Variants in TP63 observed in about 807,000 individuals in gnomAD.
The protein encoded by TP63 is tumor protein 63.
In TP63, 17 loss-of-function variants were observed where a neutral mutation model predicts 82.8. The observed-to-expected ratio is 0.21, with a 90% CI of 0.14 to 0.31. TP63 has a LOEUF of 0.31. TP63 is among the 10% of genes least tolerant of loss of function. The pLI is 1.00. For missense variants in TP63, 648 were observed against 895.3 expected (o/e 0.72, Z 3.52); for synonymous variants, 330 against 321.7 (o/e 1.03, Z -0.28).
rs1721443689 is a variant in TP63, at chr3:189,896,058, A to G, written c.*1556A>G. ...CCTTGAAACTTTGGGAAAACATGTT[A>G]ATGACAATATTCCAGATCTTTCAGA... is the stretch of plus-strand genomic sequence containing the variant. On this transcript the variant is annotated 3_prime_UTR_variant, in exon 14 of 14. Transcript: ENST00000264731. The G allele has an allele frequency of 4.4e-6, 1 of 227,148 alleles. No individual in the cohort carries two copies. Among genetic ancestry groups the G allele is most frequent in the African/African-American group, 2.2e-5 (1 of 45,014 alleles). 14.1% of individuals were successfully genotyped at this position (227,148 alleles called of 1,614,324 possible).
At chr3:189,676,677 G>A (rs1028429020) in intron 1 of TP63, among the ~76,000 whole-genome samples, 3 of 151,960 alleles carry the variant, frequency 2.0e-5, no homozygotes, top group Middle Eastern at 3.2e-3. Context: ...TGGGCTTTTA[G>A]TCTAGCCATC....
chr3:189,869,475 T>C (rs1271886726), intron 9 of TP63, 69 bp downstream of exon 9: 2 of 1,367,240 alleles, frequency 1.5e-6, no homozygotes, highest in Non-Finnish European at 2.1e-6. Context: ...TACAGTATGA[T>C]CATCATCTCA....
chr3:189,868,562 C>T lies in TP63; in HGVS notation c.993-18C>T, dbSNP rs376061503. 1.2e-6 allele frequency: 2 copies of T among 1,613,598 alleles called. No individual in the cohort carries two copies. Among genetic ancestry groups the T allele is most frequent in the South Asian group, 2.2e-5 (2 of 91,012 alleles). ...GCTTTGAATTTAACTCTTTCTTCCC[C>T]TTTATTCTAATTCCTAGTGGGCAAG... is the stretch of plus-strand genomic sequence containing the variant. On this transcript the variant is annotated intron_variant, in intron 7 of 13. Transcript: ENST00000264731.
intron 4 of TP63, among the ~76,000 whole-genome samples, chr3:189,812,264 T>G (rs1335951723): frequency 1.3e-5 from 2 of 152,240 alleles, no homozygotes; most frequent in Non-Finnish European, 2.9e-5. Context: ...ATAACAAATG[T>G]GATTATGTTT....
intron 4 of TP63, among the ~76,000 whole-genome samples, chr3:189,808,935 A>G (rs1304249968): frequency 6.6e-6 from 1 of 152,234 alleles, no homozygotes; most frequent in Admixed American, 6.5e-5. Context: ...TTGTGATTTT[A>G]AAAACTGAGT....
intron 4 of TP63, among the ~76,000 whole-genome samples, chr3:189,837,094 A>C (rs960349275): frequency 1.2e-4 from 19 of 152,232 alleles, no homozygotes; most frequent in Admixed American, 1.2e-3. Context: ...GATGCTTCCA[A>C]ATATATACTC....
At chr3:189,880,993 A>G (rs565745982) in intron 10 of TP63, 218 of 985,332 alleles carry the variant, frequency 2.2e-4, no homozygotes, top group Non-Finnish European at 2.6e-4. Context: ...TAATAGAAAG[A>G]CAAATCCACC....
chr3:189,719,336 G>T (rs1351125902), intron 1 of TP63, among the ~76,000 whole-genome samples: 1 of 152,050 alleles, frequency 6.6e-6, no homozygotes, highest in Non-Finnish European at 1.5e-5. Flanking sequence ...CCTAATCTGC[G>T]CTTGCAGAGT....
At chr3:189,869,195 G>A (rs750299207) in intron 8 of TP63, 129 bp from the exon 9 acceptor site, 5 of 749,182 alleles carry the variant, frequency 6.7e-6, no homozygotes, top group Non-Finnish European at 1.1e-5. Context: ...ATGTGTTGCT[G>A]GTACTACTGT....
chr3:189,875,605 T>TATATATATATATATACACAC, intron 10 of TP63, among the ~76,000 whole-genome samples: 1 of 58,694 alleles, frequency 1.7e-5, no homozygotes, highest in East Asian at 4.1e-4. Flanking sequence ...TATATATATA[T>TATATATATATATATACACAC]ATATATATAT....
At chr3:189,839,171 C>T (rs187051232) in intron 4 of TP63, among the ~76,000 whole-genome samples, 2 of 151,630 alleles carry the variant, frequency 1.3e-5, no homozygotes, top group African/African-American at 4.8e-5. Flanking sequence ...ATTATATTTA[C>T]ACCTGGGCAT....
chr3:189,887,767 A>C (rs534692785), intron 11 of TP63, among the ~76,000 whole-genome samples: 105 of 151,688 alleles, frequency 6.9e-4, no homozygotes, highest in Middle Eastern at 3.4e-3. Context: ...CCTCTAAACG[A>C]GCATTTCAGT....
intron 1 of TP63, among the ~76,000 whole-genome samples, chr3:189,728,530 T>C (rs1235829816): frequency 1.3e-5 from 2 of 152,178 alleles, no homozygotes; most frequent in African/African-American, 4.8e-5. Flanking sequence ...AAAAGGTCAA[T>C]CTGTAAGGGC....
chr3:189,750,383 C>T (rs753077538), intron 3 of TP63, among the ~76,000 whole-genome samples: 4 of 151,950 alleles, frequency 2.6e-5, no homozygotes, highest in South Asian at 2.1e-4. Flanking sequence ...TTATAGAAAA[C>T]GTATAAGTTC....
chr3:189,712,992 A>G (rs546715817), intron 1 of TP63, among the ~76,000 whole-genome samples: 462 of 152,174 alleles, frequency 3.0e-3, no homozygotes, highest in Non-Finnish European at 5.4e-3. Flanking sequence ...GGGAAATTCC[A>G]CTATTGCCAC....
At chr3:189,778,837 C>G (rs529345439) in intron 3 of TP63, among the ~76,000 whole-genome samples, 54 of 152,234 alleles carry the variant, frequency 3.5e-4, no homozygotes, top group African/African-American at 1.3e-3. Flanking sequence ...CACAAAACCT[C>G]GTGAATCAAA....
rs183799673 is a variant in TP63, at chr3:189,739,071, G to T, written c.324+297G>T. ...TTAGAAAAGATGGTACCAGCTCAAG[G>T]CTTTCTAGCTGGTAGGGACAGCAAA... On this transcript the variant is annotated intron_variant, in intron 3 of 13. Coordinates refer to ENST00000264731, the MANE Select transcript of TP63 (RefSeq NM_003722.5). Among the ~76,000 whole-genome samples, 59 of 152,198 alleles carry T rather than the reference G, an allele frequency of 3.9e-4. No homozygotes were observed. The South Asian group carries it at 0.011, about 29-fold the overall frequency.
intron 1 of TP63, among the ~76,000 whole-genome samples, chr3:189,669,434 A>G (rs1475027886): frequency 6.6e-6 from 1 of 152,040 alleles, no homozygotes; most frequent in Non-Finnish European, 1.5e-5. Context: ...TCAAACCTAC[A>G]GGAAATAATA....
intron 4 of TP63, among the ~76,000 whole-genome samples, chr3:189,844,726 T>A (rs1714643961): frequency 6.6e-6 from 1 of 152,260 alleles, no homozygotes; most frequent in Admixed American, 6.5e-5. Context: ...TGATAATCAG[T>A]GTCTTTGAAG....
Sources: allele counts gnomAD v4.1 joint callset (sites outside exome capture counted in the v4.1 genomes callset), GRCh38; gene constraint gnomAD v4.1.1; transcripts MANE v1.5; gene names NCBI Gene and HGNC (gene_info 2026-07-23, HGNC 2026-07-21).